Variants in HECW2 observed in about 807,000 individuals in gnomAD.
HECW2 encodes HECT, C2 and WW domain containing E3 ubiquitin protein ligase 2.
Under a neutral mutation model 175.2 loss-of-function variants are expected in HECW2, and 61 were observed. The ratio of observed to expected loss-of-function variants is 0.35; its 90% CI spans 0.28 to 0.43. The LOEUF (loss-of-function observed/expected upper bound fraction) is 0.43, where lower values mean the gene tolerates loss of function less well. HECW2 is among the 20% of genes least tolerant of loss of function. HECW2 has a pLI of 1.00. For synonymous variants in HECW2, 671 were observed against 731.0 expected (o/e 0.92, Z 1.32); for missense variants, 1,524 against 2,000.5 (o/e 0.76, Z 4.54).
chr2:196,527,248 C>T (rs966358711), intron 1 of HECW2, among the ~76,000 whole-genome samples: 4 of 152,210 alleles, frequency 2.6e-5, no homozygotes, highest in South Asian at 2.1e-4. Context: ...TTTCCAGGTG[C>T]GTCCGTCACC....
At chr2:196,419,888 C>T (rs1695363053) in intron 2 of HECW2, among the ~76,000 whole-genome samples, 1 of 152,158 alleles carries the variant, frequency 6.6e-6, no homozygotes, top group Admixed American at 6.5e-5. Flanking sequence ...CTCAGAGCCA[C>T]TGTATTATTA....
intron 1 of HECW2, among the ~76,000 whole-genome samples, chr2:196,565,009 A>T: frequency 6.6e-6 from 1 of 151,162 alleles, no homozygotes. Flanking sequence ...GAGATAGTTA[A>T]ACGGAGCCTA....
At chr2:196,286,039 G>A (rs1371790658) in intron 14 of HECW2, among the ~76,000 whole-genome samples, 1 of 152,172 alleles carries the variant, frequency 6.6e-6, no homozygotes, top group African/African-American at 2.4e-5. Context: ...ACAGTATTTA[G>A]GCGTTCAACC....
chr2:196,254,115 C>G, intron 18 of HECW2, 86 bp from the exon 19 acceptor site: 1 of 1,539,974 alleles, frequency 6.5e-7, no homozygotes, highest in African/African-American at 1.4e-5. Context: ...ATATTCCATC[C>G]AAGATCCGGT....
At chr2:196,463,256 G>T (rs1297952151) in intron 1 of HECW2, among the ~76,000 whole-genome samples, 1 of 152,034 alleles carries the variant, frequency 6.6e-6, no homozygotes, top group Non-Finnish European at 1.5e-5. Flanking sequence ...CTGTTAGCAT[G>T]GGTTACTACT....
chr2:196,487,269 T>C (rs550644233), intron 1 of HECW2, among the ~76,000 whole-genome samples: 1 of 152,268 alleles, frequency 6.6e-6, no homozygotes, highest in South Asian at 2.1e-4. Flanking sequence ...AGCCATGCTG[T>C]TGACACTGCA....
intron 5 of HECW2, among the ~76,000 whole-genome samples, chr2:196,325,968 G>A (rs1334890024): frequency 6.6e-6 from 1 of 152,154 alleles, no homozygotes; most frequent in African/African-American, 2.4e-5. Flanking sequence ...AAATAAAGCT[G>A]GCTCCACTGA....
intron 1 of HECW2, among the ~76,000 whole-genome samples, chr2:196,453,955 C>T (rs1282245295): frequency 6.6e-6 from 1 of 152,102 alleles, no homozygotes; most frequent in African/African-American, 2.4e-5. Flanking sequence ...AATTTTACCA[C>T]AAAATAATAA....
chr2:196,201,489 T>C (rs929386744), intron 28 of HECW2, 101 bp from the exon 29 acceptor site: 5 of 622,254 alleles, frequency 8.0e-6, no homozygotes, highest in African/African-American at 5.6e-5. Flanking sequence ...TATGACTGTC[T>C]TTCACATTCA....
intron 1 of HECW2, among the ~76,000 whole-genome samples, chr2:196,548,410 A>G (rs1689495669): frequency 6.6e-6 from 1 of 152,100 alleles, no homozygotes; most frequent in African/African-American, 2.4e-5. Context: ...AAAAAGAAAA[A>G]AAAACACCAA....
intron 1 of HECW2, among the ~76,000 whole-genome samples, chr2:196,574,032 G>C (rs2125518171): frequency 6.6e-6 from 1 of 151,906 alleles, no homozygotes; most frequent in East Asian, 1.9e-4. Flanking sequence ...AAAGTTCCAG[G>C]ATACAAAATC....
chr2:196,527,117 A>G (rs1688685712), intron 1 of HECW2, among the ~76,000 whole-genome samples: 1 of 152,160 alleles, frequency 6.6e-6, no homozygotes, highest in East Asian at 1.9e-4. Context: ...CTGCTGTGCT[A>G]GCAATCAGCG....
intron 1 of HECW2, among the ~76,000 whole-genome samples, chr2:196,507,176 T>TACACACTAATACGTGTATATTAC (rs1553528218): frequency 3.2e-4 from 49 of 151,484 alleles, no homozygotes; most frequent in African/African-American, 1.1e-3. Context: ...ATGTGTATAT[T>TACACACTAATACGTGTATATTAC]ACACACACTA....
At chr2:196,250,282 A>C (rs2105905491) in intron 19 of HECW2, among the ~76,000 whole-genome samples, 1 of 152,356 alleles carries the variant, frequency 6.6e-6, no homozygotes, top group Non-Finnish European at 1.5e-5. Context: ...TGCATGATTA[A>C]ATATCTAAGC....
Position 196,318,405 on chromosome 2 carries a change from G to A in HECW2, c.2338+147C>T, listed in dbSNP as rs1244541832. The A allele has an allele frequency of 3.3e-6, 3 of 917,576 alleles. No individual in the cohort carries two copies. The African/African-American group carries it at 5.1e-5, about 16-fold the overall frequency. The allele number at this position is 917,576 out of a possible 1,614,324, so 56.8% of individuals were successfully genotyped here. A position where few individuals can be genotyped will look rare whatever the true frequency, so the allele number is the denominator to read the frequency against. ...TCTTCCTGGCCCTGTTTTCAATCTT[G>A]CCTCTCTTCTTGCCTGCTGAACCTC... On this transcript the variant is annotated intron_variant, in intron 9 of 28. Coordinates refer to ENST00000644978, the MANE Select transcript of HECW2 (RefSeq NM_001348768.2).
chr2:196,256,922 T>C (rs1333557924), intron 18 of HECW2, among the ~76,000 whole-genome samples: 1 of 152,220 alleles, frequency 6.6e-6, no homozygotes, highest in Non-Finnish European at 1.5e-5. Context: ...AGAAAAATAA[T>C]TTTCTGACAA....
At chr2:196,468,395 A>C (rs1697049428) in intron 1 of HECW2, among the ~76,000 whole-genome samples, 1 of 152,200 alleles carries the variant, frequency 6.6e-6, no homozygotes, top group South Asian at 2.1e-4. Flanking sequence ...CAATATTGTC[A>C]ACACCCACCC....
At chr2:196,216,056 A>C (rs776597265) in intron 27 of HECW2, 79 bp from the exon 28 acceptor site, 27 of 927,942 alleles carry the variant, frequency 2.9e-5, no homozygotes, top group Non-Finnish European at 4.7e-5. Context: ...ATTCACGGGC[A>C]GAGCTCCTGA....
chr2:196,298,954 T>C (rs1389282814), intron 13 of HECW2, among the ~76,000 whole-genome samples: 1 of 152,226 alleles, frequency 6.6e-6, no homozygotes, highest in African/African-American at 2.4e-5. Flanking sequence ...TAACATTTTC[T>C]GTTAATCTAG....
Sources: gnomAD v4.1 joint callset for allele counts (sites outside exome capture counted in the v4.1 genomes callset) on GRCh38, gnomAD v4.1.1 for gene constraint, MANE v1.5 for transcripts, NCBI Gene and HGNC (gene_info 2026-07-23, HGNC 2026-07-21) for gene names.